The following SIPA1L2 variants were observed in gnomAD, a reference collection of about 807,000 sequenced individuals.
SIPA1L2 encodes the protein signal induced proliferation associated 1 like 2, also known as signal-induced proliferation-associated 1-like protein 2.
In SIPA1L2, 56 loss-of-function variants were observed where a neutral mutation model predicts 163.9. The observed-to-expected ratio is 0.34, with a 90% CI of 0.28 to 0.43. The LOEUF is 0.43. SIPA1L2 is among the 20% of genes least tolerant of loss of function. SIPA1L2 has a pLI of 1.00. For missense variants in SIPA1L2, 1,974 were observed against 2,193.5 expected, an observed-to-expected ratio of 0.90 and a Z score of 2.00; for synonymous variants, 877 against 865.7, an observed-to-expected ratio of 1.01 and a Z score of -0.23.
intron 3 of SIPA1L2, among the ~76,000 whole-genome samples, chr1:232,507,455 T>C (rs990836733): frequency 2.6e-5 from 4 of 152,192 alleles, no homozygotes; most frequent in African/African-American, 9.7e-5. Context: ...TCCCTGTCTT[T>C]CCATAAGATA....
chr1:232,529,633 T>A lies in SIPA1L2; in HGVS notation c.-269-14025A>T, dbSNP rs1378154989. 7.2e-5 allele frequency among the ~76,000 whole-genome samples: 11 copies of A among 152,222 alleles called. 1 individual carries two copies. ...CTAGCTAAGATAATGTCCAGAGTTG[T>A]GCACCTTCTCATCCATATTCTAGCT... On this transcript the variant is annotated intron_variant, in intron 2 of 22. Transcript: ENST00000674635.
At chr1:232,510,121 A>C (rs1251716908) in intron 3 of SIPA1L2, among the ~76,000 whole-genome samples, 1 of 152,162 alleles carries the variant, frequency 6.6e-6, no homozygotes, top group Non-Finnish European at 1.5e-5. Context: ...ATCATGATGG[A>C]GCATATACAG....
intron 6 of SIPA1L2, among the ~76,000 whole-genome samples, chr1:232,481,721 T>C (rs1665367829): frequency 6.6e-6 from 1 of 152,224 alleles, no homozygotes; most frequent in South Asian, 2.1e-4. Context: ...GCTGGGATTC[T>C]GTACTCTGCT....
intron 17 of SIPA1L2, 92 bp from the exon 18 acceptor site, chr1:232,425,900 A>G (rs889509576): frequency 3.5e-5 from 39 of 1,103,364 alleles, no homozygotes; most frequent in Middle Eastern, 2.2e-4. Flanking sequence ...TTCACATACT[A>G]TTGTGATAGC....
intron 2 of SIPA1L2, among the ~76,000 whole-genome samples, chr1:232,554,416 T>C (rs531608650): frequency 6.6e-6 from 1 of 152,338 alleles, no homozygotes; most frequent in South Asian, 2.1e-4. Context: ...AATATTTACA[T>C]TTAAAGTCCT....
At chr1:232,614,795 T>C (rs149075002) in intron 1 of SIPA1L2, among the ~76,000 whole-genome samples, 235 of 152,344 alleles carry the variant, frequency 1.5e-3, no homozygotes, top group African/African-American at 5.4e-3. Flanking sequence ...AAATTTGAAA[T>C]GTCATTTATT....
intron 2 of SIPA1L2, among the ~76,000 whole-genome samples, chr1:232,539,517 C>G (rs1415500153): frequency 1.3e-5 from 2 of 152,190 alleles, no homozygotes; most frequent in Admixed American, 6.5e-5. Flanking sequence ...ATTCTGCACT[C>G]CCCCGAGTAG....
At chr1:232,455,212 T>C (rs143999843) in intron 10 of SIPA1L2, among the ~76,000 whole-genome samples, 6 of 152,380 alleles carry the variant, frequency 3.9e-5, no homozygotes, top group African/African-American at 1.4e-4. Flanking sequence ...CAAAATTCAA[T>C]ACTGGAGCGT....
intron 2 of SIPA1L2, among the ~76,000 whole-genome samples, chr1:232,546,405 A>G (rs2103122197): frequency 6.6e-6 from 1 of 152,312 alleles, no homozygotes; most frequent in African/African-American, 2.4e-5. Flanking sequence ...CCTCTTTAGT[A>G]AGAGTCAATA....
rs550273216 is a variant in SIPA1L2 at position 232,477,011 on chromosome 1, T to C, written c.2085+2616A>G. Among the ~76,000 whole-genome samples the C allele has an allele frequency of 3.9e-5, 6 of 152,254 alleles. No individual in the cohort carries two copies. In the South Asian group the frequency reaches 1.2e-3, roughly 32 times the overall value. ...TTTCTACCTTTGGTATTAACATAAT[T>C]TGTGGGCATGGATGGTGAGGGTGAG... On this transcript the variant is annotated intron_variant, in intron 7 of 22. Transcript: ENST00000674635.
rs568750504 is a variant in SIPA1L2 at position 232,547,192 on chromosome 1, A to C, written c.-270+26982T>G. Among the ~76,000 whole-genome samples the C allele has an allele frequency of 6.1e-4, 93 of 152,318 alleles. 1 individual carries two copies. Among genetic ancestry groups the C allele is most frequent in the African/African-American group, 2.2e-3 (92 of 41,566 alleles). ...TATCTCTCCAAATAAATAGAATTAT[A>C]AATAAATAATACATAAAACTAACTC... On this transcript the variant is annotated intron_variant, in intron 2 of 22. Coordinates refer to ENST00000674635, the MANE Select transcript of SIPA1L2 (RefSeq NM_020808.5).
At chr1:232,473,016 G>A (rs1664875146) in intron 7 of SIPA1L2, among the ~76,000 whole-genome samples, 1 of 152,206 alleles carries the variant, frequency 6.6e-6, no homozygotes, top group Non-Finnish European at 1.5e-5. Flanking sequence ...CTGTCTGAGT[G>A]AAGTCTGGAA....
intron 6 of SIPA1L2, among the ~76,000 whole-genome samples, chr1:232,482,601 G>C (rs1420280041): frequency 5.9e-5 from 9 of 152,096 alleles, no homozygotes; most frequent in African/African-American, 2.2e-4. Context: ...GGACAACTAG[G>C]GGGCCCATGT....
chr1:232,559,911 TTCA>T (rs1467202062), intron 2 of SIPA1L2, among the ~76,000 whole-genome samples: 4 of 152,330 alleles, frequency 2.6e-5, no homozygotes, highest in Admixed American at 2.0e-4. Flanking sequence ...TGACTATCTG[TTCA>T]TCAAGGAAAT....
rs569951269 is a variant in SIPA1L2, at chr1:232,576,477, C to T, written c.-318-2255G>A. Among the ~76,000 whole-genome samples the T allele has an allele frequency of 2.0e-5, 3 of 150,694 alleles. No individual in the cohort carries two copies. In the East Asian group the frequency reaches 7.4e-4, roughly 37 times the overall value. Reference sequence around the variant, plus strand: ...GTGTTCTGATGGCTCCACCGACCAGCCTCCCCCATTTCTCTCTCTCTCCTC... The same window carrying T: ...GTGTTCTGATGGCTCCACCGACCAGTCTCCCCCATTTCTCTCTCTCTCCTC... On this transcript the variant is annotated intron_variant, in intron 1 of 22. Transcript: ENST00000674635.
intron 2 of SIPA1L2, among the ~76,000 whole-genome samples, chr1:232,564,147 TTCG>T (rs1472124727): frequency 3.2e-5 from 1 of 31,220 alleles, no homozygotes. Flanking sequence ...TTTTTTTTTT[TTCG>T]TGTGTGTGTG....
At chr1:232,446,047 G>A (rs573071519) in intron 10 of SIPA1L2, among the ~76,000 whole-genome samples, 18 of 152,180 alleles carry the variant, frequency 1.2e-4, no homozygotes, top group African/African-American at 3.9e-4. Context: ...CCTGGCTGCC[G>A]TGCAGCCACA....
chr1:232,511,256 C>T (rs987927702), intron 3 of SIPA1L2, among the ~76,000 whole-genome samples: 13 of 152,244 alleles, frequency 8.5e-5, no homozygotes, highest in East Asian at 1.9e-4. Flanking sequence ...AACACTGAGG[C>T]ACACCTGAAG....
chr1:232,403,998 G>T, intron 20 of SIPA1L2, 127 bp downstream of exon 20: 1 of 1,009,438 alleles, frequency 9.9e-7, no homozygotes, highest in Non-Finnish European at 1.5e-6. Context: ...AGAACAGCCA[G>T]GACACATGTC....
Sources: gnomAD v4.1 joint callset for allele counts (sites outside exome capture counted in the v4.1 genomes callset) on GRCh38, gnomAD v4.1.1 for gene constraint, MANE v1.5 for transcripts, NCBI Gene and HGNC (gene_info 2026-07-23, HGNC 2026-07-21) for gene names.